The following NBL1 variants were observed in gnomAD, a reference collection of about 807,000 sequenced individuals.
NBL1 encodes the protein neuroblastoma suppressor of tumorigenicity 1.
NBL1 carries 9 observed loss-of-function variants against 16.0 expected under a neutral mutation model. The observed-to-expected ratio is 0.56, with a 90% CI of 0.34 to 0.98. The LOEUF (loss-of-function observed/expected upper bound fraction) is 0.98, where lower values mean the gene tolerates loss of function less well. Among genes scored for constraint, NBL1 ranks in the 50% least tolerant of loss-of-function variants. The probability of loss-of-function intolerance (pLI) is 0.02; values close to 1 mark genes in which losing one functional copy is unlikely to be tolerated. For missense variants in NBL1, 196 were observed against 243.1 expected, an observed-to-expected ratio of 0.81 and a Z score of 1.29; for synonymous variants, 86 against 100.7, an observed-to-expected ratio of 0.85 and a Z score of 0.87.
At chr1:19,644,068 C>G (rs1043885967), upstream of NBL1, 11 of 975,108 alleles carry the variant, frequency 1.1e-5, no homozygotes, top group Admixed American at 6.2e-4. This position sits in a 1 kb window ranked among gnomAD's most constrained non-coding sequence, Gnocchi z 4.6. Context: ...CCAGGCGTCC[C>G]GGCCGCCCCA....
rs914482929 is a variant in NBL1, at chr1:19,657,293, G to A, written c.*164G>A. 3.7e-5 allele frequency: 20 copies of A among 534,602 alleles called. No individual in the cohort carries two copies. The Middle Eastern group carries it at 1.5e-3, about 39-fold the overall frequency. 33.1% of individuals were successfully genotyped at this position (534,602 alleles called of 1,614,324 possible). ...GGTTGCCATGGAGATCTGAAGGGGCGGGGTTAGAGCCAAGCTGCACAATTT... is the reference window on the plus strand; with the variant it reads ...GGTTGCCATGGAGATCTGAAGGGGCAGGGTTAGAGCCAAGCTGCACAATTT... On this transcript the variant is annotated 3_prime_UTR_variant, in exon 4 of 4. Transcript: ENST00000375136.
chr1:19,644,139 G>A (rs1194374861), upstream of NBL1: 1 of 979,326 alleles, frequency 1.0e-6, no homozygotes, highest in Non-Finnish European at 1.2e-6. The surrounding 1 kb of genome is among the most constrained non-coding windows in gnomAD (Gnocchi z 4.6). Context: ...GAGGGCCCGG[G>A]GCCCCTGCCG....
chr1:19,653,352 A>C (rs1022514926), intron 1 of NBL1, among the ~76,000 whole-genome samples: 2 of 151,604 alleles, frequency 1.3e-5, no homozygotes, highest in African/African-American at 4.8e-5. Flanking sequence ...GATTGTCCTA[A>C]ATGGGATGCC....
At chr1:19,654,939 T>G in intron 1 of NBL1, 73 bp from the exon 2 acceptor site, 2 of 1,468,296 alleles carry the variant, frequency 1.4e-6, no homozygotes, top group Non-Finnish European at 1.8e-6. Flanking sequence ...GATGCCAGAG[T>G]CCATGCTGTA....
At chr1:19,651,515 C>T (rs191015959) in intron 1 of NBL1, among the ~76,000 whole-genome samples, 101 of 152,346 alleles carry the variant, frequency 6.6e-4, no homozygotes, top group Middle Eastern at 3.4e-3. Flanking sequence ...GTCACCATTA[C>T]CCCATTTCCC....
intron 1 of NBL1, among the ~76,000 whole-genome samples, chr1:19,649,827 A>G (rs1335025883): frequency 6.6e-6 from 1 of 151,784 alleles, no homozygotes; most frequent in Non-Finnish European, 1.5e-5. Flanking sequence ...ACACCTGGCT[A>G]GTTTTTAAAT....
upstream of NBL1, chr1:19,643,568 C>A: frequency 1.4e-6 from 2 of 1,415,880 alleles, no homozygotes; most frequent in Non-Finnish European, 1.8e-6. The surrounding 1 kb of genome is among the most constrained non-coding windows in gnomAD (Gnocchi z 4.7). Flanking sequence ...GATAGGAACC[C>A]CCGAGGTGAG....
intron 1 of NBL1, chr1:19,645,977 C>T (rs2094977262): frequency 2.6e-6 from 4 of 1,550,430 alleles, no homozygotes; most frequent in Admixed American, 2.0e-5. Context: ...TGCAGCAGCT[C>T]ATTAGCATGG....
rs753485771 is a variant in NBL1, at chr1:19,656,931, G to A, written c.348G>A (p.Leu116=). The stretch of plus-strand genomic sequence containing the variant: ...TGGACAAGCTGGTGGAGAAGATCCT[G>A]CACTGTAGCTGCCAGGCCTGCGGCA... ...PRVDKLVEKI[L]HCSCQACGKE... is the part of the protein sequence containing the mutation. The change falls in exon 4 of 4, where the codon CTG becomes CTA. Residue 116 remains leucine (L), a synonymous_variant. Coordinates refer to ENST00000375136, the MANE Select transcript of NBL1 (RefSeq NM_005380.8). 4 of 1,613,372 alleles carry A rather than the reference G, an allele frequency of 2.5e-6. No individual in the cohort carries two copies. The highest frequency in any genetic ancestry group is 3.4e-6 in the Non-Finnish European group (4 of 1,179,784).
chr1:19,655,863 C>T lies in NBL1; in HGVS notation c.282+428C>T, dbSNP rs2854103. On this transcript the variant is annotated intron_variant, in intron 3 of 3. Coordinates refer to ENST00000375136, the MANE Select transcript of NBL1 (RefSeq NM_005380.8). ...TTCAGTGCCTCGCACCTGCTCCGTTCGCTTCTACCCCAGGGCCCTTGCACC... is the reference window on the plus strand; with the variant it reads ...TTCAGTGCCTCGCACCTGCTCCGTTTGCTTCTACCCCAGGGCCCTTGCACC... 2.6e-5 allele frequency among the ~76,000 whole-genome samples: 4 copies of T among 152,190 alleles called. No homozygotes were observed. The East Asian group carries it at 5.8e-4, about 22-fold the overall frequency.
chr1:19,646,645 CCACCCTCCA>C (rs765153379), intron 1 of NBL1, among the ~76,000 whole-genome samples: 34 of 152,224 alleles, frequency 2.2e-4, no homozygotes, highest in Non-Finnish European at 2.9e-5. Flanking sequence ...TGCAGCCCAG[CCACCCTCCA>C]CACCCTCTGC....
At chr1:19,648,810 C>CTTTA (rs2095002290) in intron 1 of NBL1, among the ~76,000 whole-genome samples, 1 of 152,138 alleles carries the variant, frequency 6.6e-6, no homozygotes, top group Admixed American at 6.5e-5. Context: ...TCACCTGTGC[C>CTTTA]AAGGACACCT....
intron 1 of NBL1, among the ~76,000 whole-genome samples, chr1:19,653,808 A>T (rs2095040914): frequency 6.6e-6 from 1 of 152,182 alleles, no homozygotes; most frequent in Admixed American, 6.5e-5. Flanking sequence ...CATGGGTGAA[A>T]CTTACCTGGG....
chr1:19,645,965 C>T, intron 1 of NBL1: 1 of 1,550,484 alleles, frequency 6.4e-7, no homozygotes, highest in Non-Finnish European at 8.7e-7. Flanking sequence ...GCAGCCTGGC[C>T]CTGCAGCAGC....
chr1:19,643,886 G>C (rs1035011034), upstream of NBL1: 2 of 988,992 alleles, frequency 2.0e-6, no homozygotes, highest in Non-Finnish European at 2.4e-6. This position sits in a 1 kb window ranked among gnomAD's most constrained non-coding sequence, Gnocchi z 4.7. Context: ...GCAATGCCCG[G>C]TGCCCACAAA....
At chr1:19,652,659 C>T (rs1281463340) in intron 1 of NBL1, among the ~76,000 whole-genome samples, 2 of 152,136 alleles carry the variant, frequency 1.3e-5, no homozygotes, top group Non-Finnish European at 1.5e-5. Context: ...AGCCAGCCCA[C>T]CTCTAGACCC....
At chr1:19,646,385 C>G (rs1467675748) in intron 1 of NBL1, among the ~76,000 whole-genome samples, 2 of 152,202 alleles carry the variant, frequency 1.3e-5, no homozygotes, top group Non-Finnish European at 2.9e-5. Context: ...TCTCCTGACT[C>G]CAGGCACACA....
intron 1 of NBL1, among the ~76,000 whole-genome samples, chr1:19,652,629 G>A (rs1367027817): frequency 6.6e-6 from 1 of 152,138 alleles, no homozygotes; most frequent in Admixed American, 6.5e-5. Flanking sequence ...GGGGTTCACA[G>A]CCCTGCAGGA....
chr1:19,651,701 T>A (rs1558364269), intron 1 of NBL1, among the ~76,000 whole-genome samples: 1 of 152,000 alleles, frequency 6.6e-6, no homozygotes, highest in Non-Finnish European at 1.5e-5. Context: ...CTGTCCTTTT[T>A]TTCCCTTTCC....
Sources: allele counts gnomAD v4.1 joint callset (sites outside exome capture counted in the v4.1 genomes callset), GRCh38; gene constraint gnomAD v4.1.1; non-coding constraint Gnocchi (gnomAD v3.1); transcripts MANE v1.5; gene names NCBI Gene and HGNC (gene_info 2026-07-23, HGNC 2026-07-21).